Variants in SMPDL3A observed in about 807,000 individuals in gnomAD.
SMPDL3A encodes cyclic GMP-AMP phosphodiesterase SMPDL3A.
A neutral mutation model predicts 38.5 loss-of-function variants in SMPDL3A; 39 were observed. The observed-to-expected ratio is 1.01, with a 90% confidence interval of 0.78 to 1.32. SMPDL3A has a LOEUF of 1.32. Among genes scored for constraint, SMPDL3A ranks in the 40% most tolerant of loss-of-function variants. SMPDL3A has a pLI of 0.00. For missense variants in SMPDL3A, 502 were observed against 536.2 expected (o/e 0.94, Z 0.63); for synonymous variants, 180 against 194.3 (o/e 0.93, Z 0.61).
chr6:122,803,657 T>A lies in SMPDL3A; in HGVS notation c.569-7T>A. The stretch of plus-strand genomic sequence containing the variant: ...TTCCTAAATGTGTTTTAAAATTGTT[T>A]TTATAGGTGGTTTTTATTCACAGAA... On this transcript the variant is annotated splice_region_variant and splice_polypyrimidine_tract_variant and intron_variant, in intron 4 of 7. Coordinates refer to ENST00000368440, the MANE Select transcript of SMPDL3A (RefSeq NM_006714.5). 6.2e-7 allele frequency: 1 copy of A among 1,606,172 alleles called. No individual in the cohort carries two copies. The highest frequency in any genetic ancestry group is 8.5e-7 in the Non-Finnish European group (1 of 1,174,920).
intron 4 of SMPDL3A, among the ~76,000 whole-genome samples, chr6:122,802,532 A>C (rs1188424300): frequency 6.6e-6 from 1 of 152,116 alleles, no homozygotes; most frequent in African/African-American, 2.4e-5. Flanking sequence ...ACATCCTACA[A>C]GACACGTGGA....
chr6:122,806,961 G>C (rs1781642561), intron 7 of SMPDL3A, among the ~76,000 whole-genome samples: 1 of 152,096 alleles, frequency 6.6e-6, no homozygotes, highest in Non-Finnish European at 1.5e-5. Context: ...TGCGATCATA[G>C]CTTACAGCAG....
intron 3 of SMPDL3A, among the ~76,000 whole-genome samples, chr6:122,798,287 T>C (rs538196092): frequency 2.1e-4 from 32 of 152,202 alleles, no homozygotes; most frequent in Non-Finnish European, 3.5e-4. Context: ...TGTTGATATG[T>C]TAGACCACAC....
At chr6:122,805,778 G>T (rs1251342909) in intron 6 of SMPDL3A, among the ~76,000 whole-genome samples, 1 of 152,088 alleles carries the variant, frequency 6.6e-6, no homozygotes, top group Non-Finnish European at 1.5e-5. Flanking sequence ...GTGTCACCAC[G>T]CCCAGCTAAT....
intron 7 of SMPDL3A, among the ~76,000 whole-genome samples, chr6:122,808,317 TACTC>T: frequency 6.6e-6 from 1 of 152,106 alleles, no homozygotes. Context: ...ATGACAGAAA[TACTC>T]ACATCATGGA....
At chr6:122,808,682 T>C (rs1372437965) in intron 7 of SMPDL3A, among the ~76,000 whole-genome samples, 1 of 129,858 alleles carries the variant, frequency 7.7e-6, no homozygotes, top group African/African-American at 2.9e-5. Flanking sequence ...TTCTTTCTTA[T>C]TTATTTATTG....
chr6:122,807,477 C>G (rs989549678), intron 7 of SMPDL3A, among the ~76,000 whole-genome samples: 3 of 151,830 alleles, frequency 2.0e-5, no homozygotes, highest in Non-Finnish European at 2.9e-5. Flanking sequence ...CCAGCCTGGG[C>G]GACAGAGCGA....
chr6:122,798,041 G>A (rs1385681), intron 3 of SMPDL3A, among the ~76,000 whole-genome samples: 20,295 of 147,638 alleles, frequency 0.14, 1,774 homozygotes, highest in East Asian at 0.35. Flanking sequence ...CTACTTTCAC[G>A]CCTCTCTGTG....
At chr6:122,801,427 T>C (rs1450047122) in intron 4 of SMPDL3A, 21 bp downstream of exon 4, 1 of 1,499,336 alleles carries the variant, frequency 6.7e-7, no homozygotes, top group South Asian at 1.1e-5. Context: ...GACTTAGTTA[T>C]TCCTATTTTG....
chr6:122,808,883 G>A (rs1202606743), intron 7 of SMPDL3A, among the ~76,000 whole-genome samples: 1 of 151,570 alleles, frequency 6.6e-6, no homozygotes, highest in Non-Finnish European at 1.5e-5. Flanking sequence ...TGGTAGAGAT[G>A]GGGTTTCACC....
rs183115484 is a variant in SMPDL3A at position 122,794,325 on chromosome 6, T to C, written c.113-1352T>C. On this transcript the variant is annotated intron_variant, in intron 1 of 7. Coordinates refer to ENST00000368440, the MANE Select transcript of SMPDL3A (RefSeq NM_006714.5). Reference sequence around the variant, plus strand: ...TAAAGGAAACTTTCTTGGCCGGGTGTGGTGGCTCACGCCTGTAATCCCAGC... The same window carrying C: ...TAAAGGAAACTTTCTTGGCCGGGTGCGGTGGCTCACGCCTGTAATCCCAGC... 2.3e-3 allele frequency among the ~76,000 whole-genome samples: 356 copies of C among 152,252 alleles called. 1 individual carries two copies. The highest frequency in any genetic ancestry group is 6.8e-3 in the Middle Eastern group (2 of 294).
intron 1 of SMPDL3A, among the ~76,000 whole-genome samples, chr6:122,792,567 CTT>C (rs1781110294): frequency 1.3e-5 from 2 of 151,746 alleles, no homozygotes; most frequent in South Asian, 4.2e-4. Flanking sequence ...TTTATAGTCT[CTT>C]TTCCCCTAAT....
chr6:122,802,408 G>A (rs543857152), intron 4 of SMPDL3A, among the ~76,000 whole-genome samples: 2 of 152,000 alleles, frequency 1.3e-5, no homozygotes, highest in Non-Finnish European at 2.9e-5. Flanking sequence ...CACTATGTTG[G>A]TCAGGCTGGT....
intron 5 of SMPDL3A, 124 bp downstream of exon 5, chr6:122,803,957 A>T (rs912758150): frequency 7.0e-6 from 5 of 716,068 alleles, no homozygotes; most frequent in Admixed American, 2.9e-5. Flanking sequence ...TTTTGCATAA[A>T]CACTTTACAA....
Position 122,796,948 on chromosome 6 carries a change from A to C in SMPDL3A, c.451A>C (p.Asn151His), listed in dbSNP as rs1781269243. Reference protein sequence around the residue: ...PNLQVFPALGNHDYWPQDQLP... With the variant: ...PNLQVFPALGHHDYWPQDQLP... ...TCTCCAGGTTTTCCCTGCGCTGGGT[A>C]ATCATGACTATTGGCCACAGGTAAA... The change falls in exon 3 of 8, where the codon AAT becomes CAT. Residue 151 changes from asparagine to histidine, a missense_variant. By Grantham distance (68) the Asn-to-His change is moderately conservative. Coordinates refer to ENST00000368440, the MANE Select transcript of SMPDL3A (RefSeq NM_006714.5). The C allele has an allele frequency of 6.2e-7, 1 of 1,613,460 alleles. No homozygotes were observed. The highest frequency in any genetic ancestry group is 8.5e-7 in the Non-Finnish European group (1 of 1,179,736).
At chr6:122,803,585 A>C in intron 4 of SMPDL3A, 79 bp from the exon 5 acceptor site, 1 of 1,059,592 alleles carries the variant, frequency 9.4e-7, no homozygotes, top group Non-Finnish European at 1.4e-6. Context: ...ACTGGATTGT[A>C]AACCTCAGGA....
chr6:122,800,734 TTTTG>T (rs1002560988), intron 3 of SMPDL3A, among the ~76,000 whole-genome samples: 3 of 143,266 alleles, frequency 2.1e-5, no homozygotes, highest in Non-Finnish European at 3.0e-5. Context: ...GCTACACCTT[TTTTG>T]TTTGTTTGTT....
intron 3 of SMPDL3A, among the ~76,000 whole-genome samples, chr6:122,800,244 A>G (rs544889333): frequency 9.2e-5 from 14 of 152,210 alleles, no homozygotes; most frequent in Non-Finnish European, 1.9e-4. Flanking sequence ...TATGATAATA[A>G]AAATGTTTTG....
intron 3 of SMPDL3A, among the ~76,000 whole-genome samples, chr6:122,800,006 C>T (rs1781376718): frequency 7.1e-6 from 1 of 140,776 alleles, no homozygotes; most frequent in African/African-American, 2.6e-5. Flanking sequence ...TTCTGTTGCC[C>T]AGGCTGGAGT....
Sources: gnomAD v4.1 joint callset for allele counts (sites outside exome capture counted in the v4.1 genomes callset) on GRCh38, gnomAD v4.1.1 for gene constraint, MANE v1.5 for transcripts, NCBI Gene and HGNC (gene_info 2026-07-23, HGNC 2026-07-21) for gene names.